Variants in ABLIM1 observed in about 807,000 individuals in gnomAD.
The protein encoded by ABLIM1 is actin binding LIM protein 1.
ABLIM1 carries 40 observed loss-of-function variants against 107.0 expected under a neutral mutation model. The observed-to-expected ratio is 0.37, with a 90% confidence interval of 0.29 to 0.49. ABLIM1 has a LOEUF of 0.49. Ranked by LOEUF, ABLIM1 falls within the 20% of genes least tolerant of loss-of-function variation. The pLI is 0.97. For synonymous variants in ABLIM1, 357 were observed against 357.3 expected (o/e 1.00, Z 0.01); for missense variants, 857 against 1,008.5 (o/e 0.85, Z 2.04).
intron 6 of ABLIM1, among the ~76,000 whole-genome samples, chr10:114,497,600 C>T (rs1356262362): frequency 2.8e-5 from 4 of 144,714 alleles, no homozygotes; most frequent in South Asian, 4.5e-4. Context: ...GAGAATGGCG[C>T]GAACCCGGGA....
intron 1 of ABLIM1, among the ~76,000 whole-genome samples, chr10:114,701,124 A>ACC (rs2081299669): frequency 6.6e-6 from 1 of 152,202 alleles, no homozygotes; most frequent in Non-Finnish European, 1.5e-5. Context: ...ACAGAGGGGT[A>ACC]GAGAGACTTG....
chr10:114,455,853 C>T (rs2062711948), intron 12 of ABLIM1, among the ~76,000 whole-genome samples: 1 of 150,886 alleles, frequency 6.6e-6, no homozygotes, highest in African/African-American at 2.4e-5. Context: ...CGCTCTGTCG[C>T]CCAGGCTGGA....
the ABLIM1 span, among the ~76,000 whole-genome samples, chr10:114,788,831 A>C: frequency 6.6e-6 from 1 of 152,352 alleles, no homozygotes; most frequent in Non-Finnish European, 1.5e-5. Flanking sequence ...AACAACTAAT[A>C]CTTCTTAGGT....
At chr10:114,463,532 T>TAAA (rs147705117) in intron 12 of ABLIM1, among the ~76,000 whole-genome samples, 1 of 151,142 alleles carries the variant, frequency 6.6e-6, no homozygotes. Context: ...AAATGCTTAT[T>TAAA]AAAAAAAATG....
At chr10:114,631,120 A>C (rs1020062606) in intron 1 of ABLIM1, among the ~76,000 whole-genome samples, 4 of 152,204 alleles carry the variant, frequency 2.6e-5, no homozygotes, top group Non-Finnish European at 5.9e-5. Flanking sequence ...TCTTAAGACA[A>C]GGTGTGTTTA....
intron 1 of ABLIM1, among the ~76,000 whole-genome samples, chr10:114,667,554 G>A (rs61869068): frequency 0.018 from 2,680 of 152,258 alleles, 30 homozygotes; most frequent in Middle Eastern, 0.058. Flanking sequence ...ACTGCAAAAA[G>A]CATAGATCTT....
chr10:114,664,627 T>C (rs1029487743), intron 1 of ABLIM1, among the ~76,000 whole-genome samples: 3 of 151,804 alleles, frequency 2.0e-5, no homozygotes, highest in Non-Finnish European at 4.4e-5. Flanking sequence ...CACTGCAACC[T>C]CTGCCTCCTG....
chr10:114,639,641 C>A (rs1261476698), intron 1 of ABLIM1, among the ~76,000 whole-genome samples: 1 of 152,208 alleles, frequency 6.6e-6, no homozygotes, highest in African/African-American at 2.4e-5. Context: ...TGGCATGTAA[C>A]CTGCAGCGTT....
intron 1 of ABLIM1, among the ~76,000 whole-genome samples, chr10:114,626,542 T>G (rs921089242): frequency 1.3e-5 from 2 of 152,022 alleles, no homozygotes; most frequent in East Asian, 1.9e-4. Flanking sequence ...TGAGCTCATC[T>G]CCTTCCTCCC....
chr10:114,632,042 CT>C, intron 1 of ABLIM1: 1 of 1,263,636 alleles, frequency 7.9e-7, no homozygotes, highest in Non-Finnish European at 1.0e-6. Flanking sequence ...CCGGCATCCG[CT>C]TGTGAGGTCC....
At chr10:114,779,260 G>A in the ABLIM1 span, 1 of 152,068 alleles carries the variant, frequency 6.6e-6, no homozygotes, top group East Asian at 1.9e-4. Flanking sequence ...CCACCTTCAG[G>A]TAGGCACTGT....
At chr10:114,765,668 T>C (rs928718981) in intron 1 of ABLIM1, among the ~76,000 whole-genome samples, 3 of 152,176 alleles carry the variant, frequency 2.0e-5, no homozygotes, top group African/African-American at 7.2e-5. Flanking sequence ...ACTCCGTAAC[T>C]ACTAAGCACT....
chr10:114,499,194 T>A (rs2060067343), intron 6 of ABLIM1, among the ~76,000 whole-genome samples: 1 of 152,188 alleles, frequency 6.6e-6, no homozygotes, highest in African/African-American at 2.4e-5. Flanking sequence ...CAGAAAAACA[T>A]CTTCCACAGG....
chr10:114,549,467 A>C (rs1288703695), intron 4 of ABLIM1, among the ~76,000 whole-genome samples: 2 of 152,152 alleles, frequency 1.3e-5, no homozygotes, highest in Non-Finnish European at 2.9e-5. Context: ...CTGCACCCAG[A>C]GTGGGCTCAC....
intron 1 of ABLIM1, among the ~76,000 whole-genome samples, chr10:114,678,229 A>G (rs1470183320): frequency 6.6e-6 from 1 of 152,180 alleles, no homozygotes; most frequent in Non-Finnish European, 1.5e-5. Flanking sequence ...AGGGTTTTAG[A>G]GCAGAAATAA....
chr10:114,507,598 A>T (rs1374631905), intron 6 of ABLIM1, among the ~76,000 whole-genome samples: 1 of 152,172 alleles, frequency 6.6e-6, no homozygotes, highest in Non-Finnish European at 1.5e-5. Context: ...CAGGATAAGC[A>T]GGGAGTGCTG....
chr10:114,629,561 C>T lies in ABLIM1; in HGVS notation c.245-27600G>A, dbSNP rs2078033633. 6.6e-6 allele frequency among the ~76,000 whole-genome samples: 1 copy of T among 152,174 alleles called. No homozygotes were observed. The highest frequency in any genetic ancestry group is 2.4e-5 in the African/African-American group (1 of 41,442). On this transcript the variant is annotated intron_variant, in intron 1 of 22. Transcript: ENST00000533213. The surrounding 1 kb of genome is among the most constrained non-coding windows in gnomAD (Gnocchi z 4.0). ...TAAAGATGGAGACACAGTGCCACTT[C>T]TGAAAGGCTCACCATCTTGTGACAG...
chr10:114,542,778 G>A lies in ABLIM1; in HGVS notation c.894+2227C>T, dbSNP rs141042096. Among the ~76,000 whole-genome samples, 39 of 152,250 alleles carry A rather than the reference G, an allele frequency of 2.6e-4. 1 individual carries two copies. Among genetic ancestry groups the A allele is most frequent in the African/African-American group, 7.9e-4 (33 of 41,532 alleles). On this transcript the variant is annotated intron_variant, in intron 6 of 22. Coordinates refer to ENST00000533213, the MANE Select transcript of ABLIM1 (RefSeq NM_002313.7). ...AAGAGCTCTCTGGGGAGGGATGAGG[G>A]ATGGACTCAGGGCCAGGAGGGGAGG... is the stretch of plus-strand genomic sequence containing the variant.
rs1358437474 is a variant in ABLIM1, at chr10:114,615,068, G to GA, written c.245-13108dup. Among the ~76,000 whole-genome samples the GA allele has an allele frequency of 2.4e-3, 365 of 149,028 alleles. 2 individuals carry two copies. Among genetic ancestry groups the GA allele is most frequent in the African/African-American group, 8.5e-3 (348 of 40,798 alleles). Reference sequence around the variant, plus strand: ...TCTGTCTCAAAAAAAAAAAAAGAAAGAAAGAAAGAAAGAAAAACACAAGTG... The same window carrying GA: ...TCTGTCTCAAAAAAAAAAAAAGAAAGAAAAGAAAGAAAGAAAAACACAAGTG... On this transcript the variant is annotated intron_variant, in intron 1 of 22. Coordinates refer to ENST00000533213, the MANE Select transcript of ABLIM1 (RefSeq NM_002313.7).
Sources: gnomAD v4.1 joint callset for allele counts (sites outside exome capture counted in the v4.1 genomes callset) on GRCh38, gnomAD v4.1.1 for gene constraint, Gnocchi (gnomAD v3.1) non-coding constraint, MANE v1.5 for transcripts, NCBI Gene and HGNC (gene_info 2026-07-23, HGNC 2026-07-21) for gene names.